The following TP63 variants were observed in gnomAD, a reference collection of about 807,000 sequenced individuals.
TP63 encodes tumor protein 63.
TP63 carries 17 observed loss-of-function variants against 82.8 expected under a neutral mutation model. The observed-to-expected ratio is 0.21, with a 90% CI of 0.14 to 0.31. TP63 has a LOEUF of 0.31. Ranked by LOEUF, TP63 falls within the 10% of genes least tolerant of loss-of-function variation. The pLI, the probability that TP63 is intolerant of heterozygous loss-of-function variation, is 1.00. For missense variants in TP63, 648 were observed against 895.3 expected, an observed-to-expected ratio of 0.72 and a Z score of 3.52; for synonymous variants, 330 against 321.7, an observed-to-expected ratio of 1.03 and a Z score of -0.28.
At chr3:189,599,818 ATTGT>A in the TP63 span, among the ~76,000 whole-genome samples, 1 of 152,196 alleles carries the variant, frequency 6.6e-6, no homozygotes. Context: ...AGATTTGAAA[ATTGT>A]TTGTTCACCA....
intron 4 of TP63, among the ~76,000 whole-genome samples, chr3:189,826,965 C>A (rs1218607035): frequency 6.6e-6 from 1 of 152,164 alleles, no homozygotes; most frequent in Non-Finnish European, 1.5e-5. Flanking sequence ...GTTGACTAGG[C>A]AAGTGACCTG....
chr3:189,686,707 CAG>C (rs1716465196), intron 1 of TP63, among the ~76,000 whole-genome samples: 1 of 121,950 alleles, frequency 8.2e-6, no homozygotes, highest in Admixed American at 9.9e-5. Context: ...GAACTTTACT[CAG>C]GGGGTGGGGG....
intron 1 of TP63, among the ~76,000 whole-genome samples, chr3:189,679,216 G>T (rs71308971): frequency 0.17 from 25,222 of 151,816 alleles, 2,485 homozygotes; most frequent in East Asian, 0.23. Flanking sequence ...TTTTATACTG[G>T]TTTTCATAAT....
intron 1 of TP63, among the ~76,000 whole-genome samples, chr3:189,651,876 G>A (rs1437867830): frequency 3.4e-5 from 5 of 147,342 alleles, no homozygotes; most frequent in Non-Finnish European, 7.4e-5. Flanking sequence ...TATTGCTTCA[G>A]AGGGTGCAAG....
intron 1 of TP63, among the ~76,000 whole-genome samples, chr3:189,668,405 TA>T (rs1465126107): frequency 1.3e-5 from 2 of 152,056 alleles, no homozygotes; most frequent in Admixed American, 1.3e-4. Context: ...AATATGCTTT[TA>T]ATGTTATATA....
In TP63 at chr3:189,804,183, G is replaced by A. The variant is rs147835495; in HGVS notation, c.325-4089G>A. The stretch of plus-strand genomic sequence containing the variant: ...CTGACTCTTTGACTTGTCATTGTCA[G>A]TAAGCATTGCATTAACATCCCAGCA... On this transcript the variant is annotated intron_variant, in intron 3 of 13. Transcript: ENST00000264731. 6.6e-3 allele frequency among the ~76,000 whole-genome samples: 1,006 copies of A among 152,286 alleles called. 8 individuals are homozygous for A. The highest frequency in any genetic ancestry group is 0.023 in the African/African-American group (964 of 41,552).
chr3:189,673,322 T>G (rs939873130), intron 1 of TP63, among the ~76,000 whole-genome samples: 12 of 152,142 alleles, frequency 7.9e-5, no homozygotes, highest in African/African-American at 2.9e-4. Flanking sequence ...GAAATCTTTC[T>G]TAAGATTAGA....
chr3:189,670,739 A>G (rs148941599), intron 1 of TP63, among the ~76,000 whole-genome samples: 5,867 of 152,148 alleles, frequency 0.039, 144 homozygotes, highest in Middle Eastern at 0.054. Flanking sequence ...GAGAACCCAG[A>G]AATAAATCTA....
intron 3 of TP63, among the ~76,000 whole-genome samples, chr3:189,765,801 G>GCTT (rs1415558735): frequency 6.6e-6 from 1 of 152,094 alleles, no homozygotes; most frequent in Non-Finnish European, 1.5e-5. Context: ...AGGAGCCTTG[G>GCTT]CTTCTGTTCT....
chr3:189,847,681 A>T (rs372690767), intron 4 of TP63, among the ~76,000 whole-genome samples: 1 of 152,198 alleles, frequency 6.6e-6, no homozygotes, highest in Non-Finnish European at 1.5e-5. Flanking sequence ...AGTGCAACCC[A>T]CTGCTGACTT....
chr3:189,694,374 T>G (rs1353340015), intron 1 of TP63, among the ~76,000 whole-genome samples: 2 of 152,188 alleles, frequency 1.3e-5, no homozygotes, highest in Non-Finnish European at 2.9e-5. Flanking sequence ...TTGTTTCACC[T>G]AAGTGTATTT....
intron 4 of TP63, among the ~76,000 whole-genome samples, chr3:189,839,838 G>T (rs1329347349): frequency 6.6e-6 from 1 of 152,206 alleles, no homozygotes; most frequent in African/African-American, 2.4e-5. Context: ...GTCACACAAG[G>T]TTTTGCAGCA....
Position 189,631,409 on chromosome 3 carries a change from C to T in TP63, c.-107C>T. ...AACTTCTATGTCTGATAGCATTTGA[C>T]CCTATTGCTTTTAGCCTCCCGGCTT... On this transcript the variant is annotated 5_prime_UTR_variant, in exon 1 of 14. Coordinates refer to ENST00000264731, the MANE Select transcript of TP63 (RefSeq NM_003722.5). The T allele has an allele frequency of 6.3e-7, 1 of 1,582,392 alleles. No individual in the cohort carries two copies. Among genetic ancestry groups the T allele is most frequent in the Non-Finnish European group, 8.6e-7 (1 of 1,165,562 alleles).
At chr3:189,763,750 G>C (rs892082997) in intron 3 of TP63, among the ~76,000 whole-genome samples, 1 of 152,184 alleles carries the variant, frequency 6.6e-6, no homozygotes, top group African/African-American at 2.4e-5. Context: ...GTGATGCTTA[G>C]AGCTAAAAAA....
At chr3:189,689,728 G>A (rs1716765136) in intron 1 of TP63, among the ~76,000 whole-genome samples, 1 of 152,132 alleles carries the variant, frequency 6.6e-6, no homozygotes, top group Admixed American at 6.5e-5. Context: ...CAGTTATGAT[G>A]TATATTTTTA....
In TP63 at chr3:189,879,943, C is replaced by A. The variant is rs576011938; in HGVS notation, c.1350-6451C>A. On this transcript the variant is annotated intron_variant, in intron 10 of 13. Transcript: ENST00000264731. Reference sequence around the variant, plus strand: ...GGAAGAACAAAAATAGCTTTTCAGGCACTCTATTCTGTCTATACTATGATC... The same window carrying A: ...GGAAGAACAAAAATAGCTTTTCAGGAACTCTATTCTGTCTATACTATGATC... The A allele has an allele frequency of 3.6e-5, 46 of 1,285,088 alleles. 1 individual carries two copies. The South Asian group carries it at 9.5e-4, about 27-fold the overall frequency. 79.6% of individuals were successfully genotyped at this position (1,285,088 alleles called of 1,614,324 possible). A position where few individuals can be genotyped will look rare whatever the true frequency, so the allele number is the denominator to read the frequency against.
At position 189,821,744 on chromosome 3, in the gene TP63, A is replaced by G. The variant is rs997883685; in HGVS notation, c.579+13218A>G. On this transcript the variant is annotated intron_variant, in intron 4 of 13. Coordinates refer to ENST00000264731, the MANE Select transcript of TP63 (RefSeq NM_003722.5). The stretch of plus-strand genomic sequence containing the variant: ...TTGACATTGGAATTTAGACTTCAGA[A>G]ACAAAAAATGCAATACTTTGAATTA... Among the ~76,000 whole-genome samples, 17 of 152,226 alleles carry G rather than the reference A, an allele frequency of 1.1e-4. 1 individual carries two copies. The highest frequency in any genetic ancestry group is 1.0e-3 in the Admixed American group (16 of 15,280).
the TP63 span, among the ~76,000 whole-genome samples, chr3:189,614,863 C>T: frequency 6.6e-6 from 1 of 152,190 alleles, no homozygotes; most frequent in South Asian, 2.1e-4. Context: ...GAACTGGACA[C>T]TGGAAAGTCA....
intron 5 of TP63, among the ~76,000 whole-genome samples, chr3:189,864,722 A>C (rs957917485): frequency 3.9e-5 from 6 of 152,054 alleles, no homozygotes; most frequent in Admixed American, 1.3e-4. Context: ...AAATAAAATA[A>C]GAGGCTGGGT....
Sources: allele counts gnomAD v4.1 joint callset (sites outside exome capture counted in the v4.1 genomes callset), GRCh38; gene constraint gnomAD v4.1.1; transcripts MANE v1.5; gene names NCBI Gene and HGNC (gene_info 2026-07-23, HGNC 2026-07-21).